PLAUR: variants seen among roughly 807,000 people sequenced by gnomAD.
The protein encoded by PLAUR is plasminogen activator, urokinase receptor, also known as urokinase plasminogen activator surface receptor.
Under a neutral mutation model 33.4 loss-of-function variants are expected in PLAUR, and 22 were observed. The ratio of observed to expected loss-of-function variants is 0.66; its 90% CI spans 0.47 to 0.94. PLAUR has a LOEUF of 0.94. Among genes scored for constraint, PLAUR ranks in the 40% least tolerant of loss-of-function variants. The pLI is 0.00. For synonymous variants in PLAUR, 148 were observed against 167.3 expected (o/e 0.88, Z 0.89); for missense variants, 408 against 434.7 (o/e 0.94, Z 0.55).
chr19:43,665,459 T>G lies in PLAUR; in HGVS notation c.167A>C (p.Glu56Ala). The G allele has an allele frequency of 6.2e-7, 1 of 1,612,808 alleles. No individual in the cohort carries two copies. Among genetic ancestry groups the G allele is most frequent in the Non-Finnish European group, 8.5e-7 (1 of 1,179,738 alleles). Residue 56 changes from glutamate (E) to alanine (A), a missense_variant and splice_region_variant, in exon 3 of 7, where the codon GAA (glutamate) becomes GCA (alanine). By Grantham distance (107) the Glu-to-Ala change is moderately radical. Coordinates refer to ENST00000340093, the MANE Select transcript of PLAUR (RefSeq NM_002659.4). ...CRTTIVRLWEEGEELELVEKS... is the reference protein window; with the variant it reads ...CRTTIVRLWEAGEELELVEKS... ...CTCCACCAGCTCCAGCTCTTCTCCTTCTGCAAGGAGGGGATCTTCATTACC... is the reference window on the plus strand; with the variant it reads ...CTCCACCAGCTCCAGCTCTTCTCCTGCTGCAAGGAGGGGATCTTCATTACC...
chr19:43,652,440 C>T, intron 5 of PLAUR, 69 bp from the exon 6 acceptor site: 5 of 1,447,250 alleles, frequency 3.5e-6, no homozygotes, highest in Non-Finnish European at 4.8e-6. Flanking sequence ...CTTGAATGAC[C>T]TCCCCAGGAC....
At chr19:43,649,835 C>T (rs1476509582) in intron 6 of PLAUR, among the ~76,000 whole-genome samples, 1 of 152,106 alleles carries the variant, frequency 6.6e-6, no homozygotes, top group Non-Finnish European at 1.5e-5. Flanking sequence ...TGTGATTTCA[C>T]ATGGCTTTTT....
intron 5 of PLAUR, among the ~76,000 whole-genome samples, chr19:43,654,032 G>C (rs1160731919): frequency 1.3e-5 from 2 of 151,906 alleles, no homozygotes; most frequent in African/African-American, 4.8e-5. Flanking sequence ...GCTGAGGCAG[G>C]GGAATGGCGT....
At position 43,656,521 on chromosome 19, in the gene PLAUR, A is replaced by G; in HGVS notation, c.430T>C (p.Cys144Arg). 6.2e-7 allele frequency: 1 copy of G among 1,609,742 alleles called. No individual in the cohort carries two copies. ...ATCCAGTGGGTCACCACATCCAGGC[A>G]CTGTTCTTCAGGGCTGCGGCACTGC... ...SLQCRSPEEQ[C>R]LDVVTHWIQE... The change falls in exon 4 of 7, where the codon TGC becomes CGC. Residue 144 changes from cysteine to arginine, a missense_variant. Physicochemically the swap from Cys to Arg is radical, Grantham distance 180 (BLOSUM62 -3). Coordinates refer to ENST00000340093, the MANE Select transcript of PLAUR (RefSeq NM_002659.4).
intron 3 of PLAUR, among the ~76,000 whole-genome samples, chr19:43,663,800 A>AC (rs937247713): frequency 1.5e-4 from 22 of 150,814 alleles, no homozygotes; most frequent in Non-Finnish European, 2.7e-4. Context: ...AAACAAACAA[A>AC]AAAAAAAAAC....
intron 2 of PLAUR, among the ~76,000 whole-genome samples, chr19:43,666,703 GA>G (rs1269401610): frequency 2.0e-5 from 3 of 151,810 alleles, no homozygotes; most frequent in Admixed American, 6.6e-5. Context: ...GAGTAGCTGG[GA>G]TAACTGGTGC....
chr19:43,651,817 C>T, intron 6 of PLAUR: 9 of 1,008,956 alleles, frequency 8.9e-6, no homozygotes, highest in Non-Finnish European at 1.1e-5. Context: ...TCCAGGACAC[C>T]ACAGGATGAA....
At chr19:43,669,355 C>T (rs1292670262) in intron 1 of PLAUR, among the ~76,000 whole-genome samples, 1 of 152,078 alleles carries the variant, frequency 6.6e-6, no homozygotes, top group Non-Finnish European at 1.5e-5. Flanking sequence ...CGCTGGGGGG[C>T]GCTGCAGGGT....
intron 1 of PLAUR, chr19:43,668,276 C>G (rs1967351367): frequency 1.0e-6 from 1 of 986,708 alleles, no homozygotes; most frequent in East Asian, 1.1e-4. Context: ...TTGTTAGATA[C>G]TCTAGTTTCC....
chr19:43,660,281 TCA>T lies in PLAUR; in HGVS notation c.311-3643_311-3642del, dbSNP rs1303655198. On this transcript the variant is annotated intron_variant, in intron 3 of 6. Coordinates refer to ENST00000340093, the MANE Select transcript of PLAUR (RefSeq NM_002659.4). Reference sequence around the variant, plus strand: ...CCCTGGTTCAAGCAATTCTCCTGCCTCAGTCTCCCAAGTAGCTGGTATTACAG... The same window carrying T: ...CCCTGGTTCAAGCAATTCTCCTGCCTGTCTCCCAAGTAGCTGGTATTACAG... Among the ~76,000 whole-genome samples, 9 of 152,008 alleles carry T rather than the reference TCA, an allele frequency of 5.9e-5. No individual in the cohort carries two copies. In the East Asian group the frequency reaches 1.7e-3, roughly 29 times the overall value.
At chr19:43,666,205 A>G (rs1382996697) in intron 2 of PLAUR, among the ~76,000 whole-genome samples, 1 of 152,034 alleles carries the variant, frequency 6.6e-6, no homozygotes, top group African/African-American at 2.4e-5. Flanking sequence ...TAGGGGTACA[A>G]ATGTGAGCTA....
intron 3 of PLAUR, among the ~76,000 whole-genome samples, chr19:43,661,813 G>A (rs1967010367): frequency 6.6e-6 from 1 of 152,184 alleles, no homozygotes; most frequent in Non-Finnish European, 1.5e-5. Flanking sequence ...ACTCCATCAT[G>A]ACCAGAATTG....
At chr19:43,648,206 TG>T (rs1404366869), downstream of PLAUR, among the ~76,000 whole-genome samples, 3 of 151,928 alleles carry the variant, frequency 2.0e-5, no homozygotes, top group Admixed American at 1.3e-4. Context: ...GACAGAGTCT[TG>T]CTCTGTCACC....
chr19:43,655,627 G>A (rs1464399360), intron 4 of PLAUR, 54 bp from the exon 5 acceptor site: 3 of 1,548,044 alleles, frequency 1.9e-6, no homozygotes, highest in Non-Finnish European at 2.6e-6. Flanking sequence ...GAGGGACTAA[G>A]ATGGGATTTG....
At chr19:43,650,152 C>T (rs934564518) in intron 6 of PLAUR, among the ~76,000 whole-genome samples, 5 of 151,806 alleles carry the variant, frequency 3.3e-5, no homozygotes, top group African/African-American at 1.2e-4. Context: ...GCTGGGACTA[C>T]AGGCGCGACC....
chr19:43,663,687 A>C (rs956118297), intron 3 of PLAUR, among the ~76,000 whole-genome samples: 5 of 152,062 alleles, frequency 3.3e-5, no homozygotes, highest in Non-Finnish European at 7.4e-5. Context: ...AGGCTGAGGC[A>C]GAAGAATCGC....
Position 43,649,081 on chromosome 19 carries a change from G to A in PLAUR, c.817C>T (p.His273Tyr), listed in dbSNP as rs1170834331. The change falls in exon 7 of 7, where the codon CAC becomes TAC. Residue 273 changes from histidine (H) to tyrosine (Y), a missense_variant. Transcript: ENST00000340093. ...TTCATGCTGAAGGCGTCACCCAGGT[G>A]GGCATGTTGGCACATTGAGGCGGTT... is the stretch of plus-strand genomic sequence containing the variant. The part of the protein sequence containing the change: ...CATASMCQHA[H>Y]LGDAFSMNHI... 1 of 1,614,200 alleles carries A rather than the reference G, an allele frequency of 6.2e-7. No individual in the cohort carries two copies. The highest frequency in any genetic ancestry group is 1.7e-5 in the Admixed American group (1 of 60,024).
chr19:43,667,475 T>G, intron 2 of PLAUR, 106 bp downstream of exon 2: 1 of 755,876 alleles, frequency 1.3e-6, no homozygotes. Flanking sequence ...CTCTCCTTGT[T>G]TGTTTGTTTT....
Position 43,651,431 on chromosome 19 carries a change from TAAAG to T in PLAUR, c.754+790_754+793del, listed in dbSNP as rs559465614. Among the ~76,000 whole-genome samples, 15 of 150,782 alleles carry T rather than the reference TAAAG, an allele frequency of 9.9e-5. No homozygotes were observed. In the East Asian group the frequency reaches 2.6e-3, roughly 26 times the overall value. ...CTATAGAAATCACTGATATAAACAATAAAGAGTTTTTTTTTTTTTTTGAGACAAA... is the reference window on the plus strand; with the variant it reads ...CTATAGAAATCACTGATATAAACAATAGTTTTTTTTTTTTTTTGAGACAAA... On this transcript the variant is annotated intron_variant, in intron 6 of 6. Coordinates refer to ENST00000340093, the MANE Select transcript of PLAUR (RefSeq NM_002659.4).
Sources: allele counts gnomAD v4.1 joint callset (sites outside exome capture counted in the v4.1 genomes callset), GRCh38; gene constraint gnomAD v4.1.1; transcripts MANE v1.5; gene names NCBI Gene and HGNC (gene_info 2026-07-23, HGNC 2026-07-21).